SLC26A8: variants seen among roughly 807,000 people sequenced by gnomAD.
SLC26A8 encodes the protein testis anion transporter 1.
A neutral mutation model predicts 105.0 loss-of-function variants in SLC26A8; 70 were observed. That is an observed-to-expected ratio of 0.67 (90% CI 0.55 to 0.81). The LOEUF (loss-of-function observed/expected upper bound fraction) is 0.81, where lower values mean the gene tolerates loss of function less well. Ranked by LOEUF, SLC26A8 falls within the 40% of genes least tolerant of loss-of-function variation. SLC26A8 has a pLI of 0.00. For missense variants in SLC26A8, 998 were observed against 1,181.8 expected (o/e 0.84, Z 2.28); for synonymous variants, 415 against 438.3 (o/e 0.95, Z 0.66).
chr6:35,965,933 GTGAGC>G (rs1199587502), intron 11 of SLC26A8, among the ~76,000 whole-genome samples: 2 of 150,212 alleles, frequency 1.3e-5, no homozygotes, highest in African/African-American at 4.9e-5. Flanking sequence ...AGAGGTTGAA[GTGAGC>G]TGAGCTGAGC....
intron 10 of SLC26A8, among the ~76,000 whole-genome samples, chr6:35,972,069 G>A (rs1203072086): frequency 1.3e-5 from 2 of 152,158 alleles, no homozygotes; most frequent in Non-Finnish European, 2.9e-5. Flanking sequence ...GCCACTGGAG[G>A]GAAATGAGTT....
chr6:36,000,220 T>G (rs1185199894), intron 3 of SLC26A8, 112 bp from the exon 4 acceptor site: 4 of 672,832 alleles, frequency 5.9e-6, no homozygotes, highest in African/African-American at 1.8e-5. Flanking sequence ...GCTGACTGAG[T>G]GTGGTAATAG....
intron 7 of SLC26A8, chr6:35,990,173 G>C (rs1773708320): frequency 6.3e-6 from 1 of 158,978 alleles, no homozygotes; most frequent in African/African-American, 2.4e-5. Flanking sequence ...CCGACCTCGG[G>C]TAATCTGCCT....
chr6:35,968,609 G>GTGTGTGTGTATA (rs1168496588), intron 11 of SLC26A8, among the ~76,000 whole-genome samples: 10 of 60,058 alleles, frequency 1.7e-4, no homozygotes, highest in African/African-American at 4.6e-4. Flanking sequence ...GTGTGTGTGT[G>GTGTGTGTGTATA]TATATATATA....
At chr6:35,985,923 A>G (rs781621880) in intron 7 of SLC26A8, among the ~76,000 whole-genome samples, 18 of 149,922 alleles carry the variant, frequency 1.2e-4, no homozygotes, top group Non-Finnish European at 5.9e-5. Context: ...AAAATCATAT[A>G]TATTTGTCAT....
chr6:35,946,882 G>T (rs968014614), intron 19 of SLC26A8, among the ~76,000 whole-genome samples: 11 of 151,388 alleles, frequency 7.3e-5, no homozygotes. Context: ...CAAGATAAGA[G>T]TCTCACTATG....
At chr6:35,995,581 G>A (rs1761329043) in intron 5 of SLC26A8, among the ~76,000 whole-genome samples, 1 of 152,010 alleles carries the variant, frequency 6.6e-6, no homozygotes, top group African/African-American at 2.4e-5. Context: ...TGTGACCTTG[G>A]GCAATTTTCT....
At chr6:35,975,884 G>A (rs569790843) in intron 9 of SLC26A8, among the ~76,000 whole-genome samples, 1 of 134,356 alleles carries the variant, frequency 7.4e-6, no homozygotes, top group Admixed American at 8.4e-5. Context: ...TTGCACTCCA[G>A]CCTGGGCAGC....
At chr6:35,945,878 C>T (rs187756435) in intron 19 of SLC26A8, among the ~76,000 whole-genome samples, 1 of 152,296 alleles carries the variant, frequency 6.6e-6, no homozygotes, top group Admixed American at 6.5e-5. Flanking sequence ...CAGCATTCCT[C>T]AAAATTAATC....
chr6:35,950,093 G>A (rs1431814860), intron 19 of SLC26A8, among the ~76,000 whole-genome samples: 4 of 150,544 alleles, frequency 2.7e-5, no homozygotes, highest in African/African-American at 4.9e-5. Flanking sequence ...CATCTCGCCC[G>A]CCCGTTGTAC....
intron 3 of SLC26A8, among the ~76,000 whole-genome samples, 154 bp from the exon 4 acceptor site, chr6:36,000,262 T>G (rs1761483071): frequency 6.6e-6 from 1 of 152,240 alleles, no homozygotes; most frequent in African/African-American, 2.4e-5. Flanking sequence ...TCATTAGCAC[T>G]TTTTATTATC....
intron 7 of SLC26A8, chr6:35,990,279 A>G: frequency 3.6e-6 from 1 of 275,682 alleles, no homozygotes. Flanking sequence ...TGTTGGATAC[A>G]TGTCCATTTT....
At chr6:35,970,451 T>A (rs981064110) in intron 10 of SLC26A8, among the ~76,000 whole-genome samples, 10 of 152,172 alleles carry the variant, frequency 6.6e-5, no homozygotes, top group South Asian at 6.2e-4. Flanking sequence ...TGGATCACCA[T>A]AACTGAAACT....
At chr6:35,992,809 T>A (rs1761213793) in intron 5 of SLC26A8, 135 bp from the exon 6 acceptor site, 2 of 858,520 alleles carry the variant, frequency 2.3e-6, no homozygotes, top group Non-Finnish European at 3.4e-6. Context: ...TGTAACTCTC[T>A]TTCCCTAATG....
chr6:36,022,029 G>A (rs1041047436), intron 1 of SLC26A8, among the ~76,000 whole-genome samples: 18 of 151,668 alleles, frequency 1.2e-4, no homozygotes, highest in African/African-American at 1.7e-4. Context: ...GTTCAGTGGC[G>A]CGATCTTAGC....
rs371474067 is a variant in SLC26A8, at chr6:35,955,175, G to A, written c.2209C>T (p.Arg737Trp). 31 of 1,614,104 alleles carry A rather than the reference G, an allele frequency of 1.9e-5. No homozygotes were observed. Among genetic ancestry groups the A allele is most frequent in the South Asian group, 5.5e-5 (5 of 91,082 alleles). ...DFSMVHYVDS[R>W]GLVVLRQICN... The stretch of plus-strand genomic sequence containing the variant: ...ACCTGTCTTAATACGACTAACCCCC[G>A]TGAATCCACGTAGTGTACCATGGAG... Residue 737 changes from arginine to tryptophan, a missense_variant, in exon 17 of 20, where the codon CGG (arginine) becomes TGG (tryptophan). Coordinates refer to ENST00000490799, the MANE Select transcript of SLC26A8 (RefSeq NM_052961.4).
intron 3 of SLC26A8, among the ~76,000 whole-genome samples, chr6:36,009,383 C>CAACAACAACAACAACAACAACAACAAA (rs375466184): frequency 5.4e-5 from 8 of 149,314 alleles, no homozygotes; most frequent in East Asian, 3.9e-4. Context: ...ACAACAACAA[C>CAACAACAACAACAACAACAACAACAAA]AAACCTGCAC....
At chr6:35,958,982 C>T (rs928983297) in intron 16 of SLC26A8, among the ~76,000 whole-genome samples, 17 of 152,298 alleles carry the variant, frequency 1.1e-4, no homozygotes, top group Non-Finnish European at 1.6e-4. Flanking sequence ...CCGCTCCTTT[C>T]CCCCATCTCC....
At chr6:36,001,652 G>A (rs927913706) in intron 3 of SLC26A8, among the ~76,000 whole-genome samples, 36 of 152,228 alleles carry the variant, frequency 2.4e-4, no homozygotes, top group African/African-American at 8.2e-4. Flanking sequence ...TCAAGACAGA[G>A]TCCTGGGCTT....
Sources: allele counts gnomAD v4.1 joint callset (sites outside exome capture counted in the v4.1 genomes callset), GRCh38; gene constraint gnomAD v4.1.1; transcripts MANE v1.5; gene names NCBI Gene and HGNC (gene_info 2026-07-23, HGNC 2026-07-21).